Variants in ADGRL2 observed in about 807,000 individuals in gnomAD.
The protein encoded by ADGRL2 is calcium-independent alpha-latrotoxin receptor 2.
Under a neutral mutation model 157.4 loss-of-function variants are expected in ADGRL2, and 44 were observed. The ratio of observed to expected loss-of-function variants is 0.28; its 90% CI spans 0.22 to 0.36. The LOEUF (loss-of-function observed/expected upper bound fraction) is 0.36. ADGRL2 is among the 10% of genes least tolerant of loss of function. ADGRL2 has a pLI of 1.00. For synonymous variants in ADGRL2, 585 were observed against 624.7 expected (o/e 0.94, Z 0.95); for missense variants, 1,510 against 1,768.9 (o/e 0.85, Z 2.63).
chr1:81,696,490 C>T (rs950367018), upstream of ADGRL2, among the ~76,000 whole-genome samples: 4 of 152,228 alleles, frequency 2.6e-5, no homozygotes, highest in Middle Eastern at 6.8e-3. Context: ...CGGTGGCTCA[C>T]GCCTGTAATC....
At chr1:81,612,803 A>G (rs1285420235) in intron 3 of ADGRL2, among the ~76,000 whole-genome samples, 1 of 152,244 alleles carries the variant, frequency 6.6e-6, no homozygotes, top group Non-Finnish European at 1.5e-5. Context: ...CAACAGGTAT[A>G]TGAAAAAATG....
intron 1 of ADGRL2, among the ~76,000 whole-genome samples, chr1:81,432,984 C>T (rs1434460310): frequency 6.6e-6 from 1 of 152,132 alleles, no homozygotes; most frequent in South Asian, 2.1e-4. Context: ...TTGGGCTTGC[C>T]TGGTACCCTG....
In ADGRL2 at chr1:81,969,390, A is replaced by G. The variant is rs931127319; in HGVS notation, c.2733+3A>G. On this transcript the variant is annotated splice_donor_region_variant and intron_variant, in intron 15 of 23. Coordinates refer to ENST00000686636, the MANE Select transcript of ADGRL2 (RefSeq NM_001366006.2). ...GCATTGATAAGACAAAATATGCGGT[A>G]AGCACCAGTTGAGTTCATTGACCTT... 1 of 1,604,652 alleles carries G rather than the reference A, an allele frequency of 6.2e-7. No individual in the cohort carries two copies. The highest frequency in any genetic ancestry group is 1.3e-5 in the African/African-American group (1 of 74,712).
chr1:81,666,536 G>A (rs891672311), intron 3 of ADGRL2, among the ~76,000 whole-genome samples: 4 of 152,060 alleles, frequency 2.6e-5, no homozygotes, highest in Non-Finnish European at 4.4e-5. Flanking sequence ...TGGGTTGCCC[G>A]CAGGCATCTC....
At chr1:81,505,093 A>G (rs142214689) in intron 2 of ADGRL2, 156 of 428,470 alleles carry the variant, frequency 3.6e-4, no homozygotes, top group Middle Eastern at 6.8e-4. Flanking sequence ...TAGGAGAGGA[A>G]AGGGAATCAA....
chr1:81,935,800 A>G (rs1054005919), intron 3 of ADGRL2, among the ~76,000 whole-genome samples: 1 of 150,540 alleles, frequency 6.6e-6, no homozygotes, highest in African/African-American at 2.4e-5. Flanking sequence ...TACAAAAGTT[A>G]TGAAAAGACC....
At chr1:81,406,734 G>T (rs1196897128) in intron 1 of ADGRL2, among the ~76,000 whole-genome samples, 1 of 152,126 alleles carries the variant, frequency 6.6e-6, no homozygotes, top group Non-Finnish European at 1.5e-5. Flanking sequence ...TGCCACGAGA[G>T]CCTGGAAGTC....
chr1:81,835,260 A>G (rs2092209098), intron 1 of ADGRL2, among the ~76,000 whole-genome samples: 1 of 152,082 alleles, frequency 6.6e-6, no homozygotes, highest in Admixed American at 6.6e-5. Context: ...CCAAAGGCTG[A>G]CTTAATTTTA....
chr1:81,817,679 A>G (rs1387931163), intron 1 of ADGRL2, among the ~76,000 whole-genome samples: 2 of 152,086 alleles, frequency 1.3e-5, no homozygotes, highest in Admixed American at 6.6e-5. Context: ...GTGTAATAAA[A>G]ATCATAAAGT....
chr1:81,357,037 A>G (rs1190407542), intron 1 of ADGRL2, among the ~76,000 whole-genome samples: 1 of 151,194 alleles, frequency 6.6e-6, no homozygotes, highest in Non-Finnish European at 1.5e-5. Flanking sequence ...GGTACTAGGT[A>G]CTTAAAGCTC....
At chr1:81,327,745 T>C (rs1239090892) in intron 1 of ADGRL2, among the ~76,000 whole-genome samples, 1 of 152,220 alleles carries the variant, frequency 6.6e-6, no homozygotes, top group African/African-American at 2.4e-5. Flanking sequence ...GTATGTTAAA[T>C]GATCATTGTT....
intron 3 of ADGRL2, among the ~76,000 whole-genome samples, chr1:81,594,522 T>C (rs558410034): frequency 6.6e-6 from 1 of 152,348 alleles, no homozygotes; most frequent in South Asian, 2.1e-4. Context: ...TTAGTATATT[T>C]ATTTTAGATT....
intron 23 of ADGRL2, 152 bp from the exon 24 acceptor site, chr1:81,990,239 T>A: frequency 2.0e-6 from 3 of 1,483,064 alleles, no homozygotes; most frequent in Non-Finnish European, 2.7e-6. Flanking sequence ...CTATTTACAG[T>A]TGGGAATGCA....
At chr1:81,808,662 A>G (rs2089466981) in intron 1 of ADGRL2, among the ~76,000 whole-genome samples, 1 of 152,090 alleles carries the variant, frequency 6.6e-6, no homozygotes, top group African/African-American at 2.4e-5. Flanking sequence ...CTACTCCATT[A>G]TAAGATATAA....
intron 2 of ADGRL2, among the ~76,000 whole-genome samples, chr1:81,898,147 T>C (rs1016706488): frequency 2.6e-5 from 4 of 152,156 alleles, no homozygotes; most frequent in African/African-American, 9.7e-5. Context: ...TAAACCAAAA[T>C]GACACATAAA....
intron 1 of ADGRL2, among the ~76,000 whole-genome samples, chr1:81,829,580 A>G (rs919327400): frequency 6.6e-6 from 1 of 152,196 alleles, no homozygotes; most frequent in Non-Finnish European, 1.5e-5. Context: ...AGGTTATTAT[A>G]ATATTCCTGT....
At chr1:81,538,609 A>G (rs2079803750) in intron 2 of ADGRL2, among the ~76,000 whole-genome samples, 1 of 152,188 alleles carries the variant, frequency 6.6e-6, no homozygotes, top group Non-Finnish European at 1.5e-5. Context: ...AATAACCACA[A>G]ATACAGCCTC....
At chr1:81,657,719 T>C (rs1387811115) in intron 3 of ADGRL2, among the ~76,000 whole-genome samples, 1 of 152,304 alleles carries the variant, frequency 6.6e-6, no homozygotes, top group South Asian at 2.1e-4. Context: ...AACCCTGATG[T>C]CATTTTTCTA....
intron 2 of ADGRL2, among the ~76,000 whole-genome samples, chr1:81,887,313 A>G (rs908041672): frequency 6.6e-6 from 1 of 152,206 alleles, no homozygotes; most frequent in African/African-American, 2.4e-5. Context: ...TGAGGAATCC[A>G]CATAACTATC....
Sources: gnomAD v4.1 joint callset for allele counts (sites outside exome capture counted in the v4.1 genomes callset) on GRCh38, gnomAD v4.1.1 for gene constraint, MANE v1.5 for transcripts, NCBI Gene and HGNC (gene_info 2026-07-23, HGNC 2026-07-21) for gene names.